Variants in RHOQ observed in about 807,000 individuals in gnomAD.
The protein encoded by RHOQ is rho-related GTP-binding protein RhoQ.
Under a neutral mutation model 25.8 loss-of-function variants are expected in RHOQ, and 7 were observed. The ratio of observed to expected loss-of-function variants is 0.27; its 90% confidence interval spans 0.15 to 0.51. The LOEUF (loss-of-function observed/expected upper bound fraction) is 0.51. RHOQ is among the 20% of genes least tolerant of loss of function. The pLI, the probability that RHOQ is intolerant of heterozygous loss-of-function variation, is 0.97. For missense variants in RHOQ, 165 were observed against 260.6 expected, an observed-to-expected ratio of 0.63 and a Z score of 2.53; for synonymous variants, 97 against 98.6, an observed-to-expected ratio of 0.98 and a Z score of 0.10.
chr2:46,581,323 C>T lies in RHOQ; in HGVS notation c.*240C>T. On this transcript the variant is annotated 3_prime_UTR_variant, in exon 5 of 5. Coordinates refer to ENST00000238738, the MANE Select transcript of RHOQ (RefSeq NM_012249.4). The stretch of plus-strand genomic sequence containing the variant: ...CTTTATTTCAACTAGAAGGTACAAT[C>T]TCTCAGGGGTTTCATAGTTTAAAAA... 1 of 1,157,684 alleles carries T rather than the reference C, an allele frequency of 8.6e-7. No homozygotes were observed. Among genetic ancestry groups the T allele is most frequent in the Non-Finnish European group, 1.2e-6 (1 of 833,588 alleles). The allele number at this position is 1,157,684 out of a possible 1,614,324, so 71.7% of individuals were successfully genotyped here.
At chr2:46,580,865 T>G in intron 4 of RHOQ, 63 bp from the exon 5 acceptor site, 1 of 1,201,586 alleles carries the variant, frequency 8.3e-7, no homozygotes, top group Non-Finnish European at 1.1e-6. Context: ...AATGATGTGT[T>G]TATGTCATGC....
chr2:46,554,083 A>C (rs1314989749), intron 2 of RHOQ, among the ~76,000 whole-genome samples: 1 of 149,594 alleles, frequency 6.7e-6, no homozygotes, highest in Non-Finnish European at 1.5e-5. Flanking sequence ...AGTTCTATCC[A>C]TGTTGTTGCA....
In RHOQ at chr2:46,581,924, A is replaced by AT. The variant is rs547692447; in HGVS notation, c.*853dup. The AT allele has an allele frequency of 9.0e-3, 1,649 of 183,088 alleles. 5 individuals carry two copies. The highest frequency in any genetic ancestry group is 0.022 in the South Asian group (221 of 10,220). 11.3% of individuals were successfully genotyped at this position (183,088 alleles called of 1,614,324 possible). A position where few individuals can be genotyped will look rare whatever the true frequency, so the allele number is the denominator to read the frequency against. On this transcript the variant is annotated 3_prime_UTR_variant, in exon 5 of 5. Transcript: ENST00000238738. ...ATTTAGCTCTCTGAACTAGTTGGTA[A>AT]TTTTTTTTTTTTAATTCCCACTTTG...
At chr2:46,547,036 G>A (rs1009622637) in intron 2 of RHOQ, among the ~76,000 whole-genome samples, 6 of 152,170 alleles carry the variant, frequency 3.9e-5, no homozygotes, top group Non-Finnish European at 5.9e-5. Flanking sequence ...AGCAGAGCCC[G>A]TATCCCCATT....
chr2:46,574,229 T>C (rs1367758627), intron 2 of RHOQ, among the ~76,000 whole-genome samples: 2 of 152,178 alleles, frequency 1.3e-5, no homozygotes, highest in South Asian at 2.1e-4. Flanking sequence ...TAAATATGGA[T>C]GAGGAGTGCT....
At chr2:46,558,853 C>G (rs1668483063) in intron 2 of RHOQ, among the ~76,000 whole-genome samples, 1 of 152,126 alleles carries the variant, frequency 6.6e-6, no homozygotes, top group Non-Finnish European at 1.5e-5. Flanking sequence ...TTATCATCTA[C>G]CCCTTCTATT....
chr2:46,578,921 TAGAG>T (rs1179809376), intron 4 of RHOQ, among the ~76,000 whole-genome samples: 1 of 152,114 alleles, frequency 6.6e-6, no homozygotes, highest in Non-Finnish European at 1.5e-5. Flanking sequence ...TATGTATATA[TAGAG>T]AGAAAATATT....
Position 46,548,054 on chromosome 2 carries a change from G to A in RHOQ, c.201+4242G>A, listed in dbSNP as rs1170327958. 6.6e-6 allele frequency among the ~76,000 whole-genome samples: 1 copy of A among 152,218 alleles called. No individual in the cohort carries two copies. Among genetic ancestry groups the A allele is most frequent in the East Asian group, 1.9e-4 (1 of 5,196 alleles). ...TGGGGGTGAATTTGGGATCCCTAGA[G>A]TTCCAGATTTAGCCACTGTCTCAGT... is the stretch of plus-strand genomic sequence containing the variant. On this transcript the variant is annotated intron_variant, in intron 2 of 4. Coordinates refer to ENST00000238738, the MANE Select transcript of RHOQ (RefSeq NM_012249.4). This position sits in a 1 kb window ranked among gnomAD's most constrained non-coding sequence, Gnocchi z 5.2.
At position 46,550,818 on chromosome 2, in the gene RHOQ, T is replaced by C. The variant is rs144960481; in HGVS notation, c.201+7006T>C. On this transcript the variant is annotated intron_variant, in intron 2 of 4. Coordinates refer to ENST00000238738, the MANE Select transcript of RHOQ (RefSeq NM_012249.4). ...CAGGCTAGCTCTGGGGGCTTCACACTGGCTCAGTTCGGTTGGTGTTGATTC... is the reference window on the plus strand; with the variant it reads ...CAGGCTAGCTCTGGGGGCTTCACACCGGCTCAGTTCGGTTGGTGTTGATTC... Among the ~76,000 whole-genome samples, 204 of 152,324 alleles carry C rather than the reference T, an allele frequency of 1.3e-3. 2 individuals carry two copies. Among genetic ancestry groups the C allele is most frequent in the African/African-American group, 4.1e-3 (172 of 41,576 alleles).
At position 46,576,837 on chromosome 2, in the gene RHOQ, T is replaced by G. The variant is rs1344728144; in HGVS notation, c.462+181T>G. 2.2e-6 allele frequency: 1 copy of G among 447,602 alleles called. No individual in the cohort carries two copies. Among genetic ancestry groups the G allele is most frequent in the East Asian group, 3.6e-5 (1 of 28,098 alleles). The allele number at this position is 447,602 out of a possible 1,614,324, so 27.7% of individuals were successfully genotyped here. ...TTCCCCTGTTACACAGAAGAGACAGTGGAGGCTGGGAGATGTCAGATAATT... is the reference window on the plus strand; with the variant it reads ...TTCCCCTGTTACACAGAAGAGACAGGGGAGGCTGGGAGATGTCAGATAATT... On this transcript the variant is annotated intron_variant, in intron 4 of 4. Coordinates refer to ENST00000238738, the MANE Select transcript of RHOQ (RefSeq NM_012249.4). The surrounding 1 kb of genome is among the most constrained non-coding windows in gnomAD (Gnocchi z 5.1).
chr2:46,575,084 C>T (rs2104027350), intron 2 of RHOQ, among the ~76,000 whole-genome samples: 1 of 152,186 alleles, frequency 6.6e-6, no homozygotes, highest in East Asian at 1.9e-4. Context: ...ATATTCACTG[C>T]CTTTTGTGAT....
At chr2:46,546,491 T>TAC (rs1558680504) in intron 2 of RHOQ, among the ~76,000 whole-genome samples, 6 of 24,356 alleles carry the variant, frequency 2.5e-4, no homozygotes, top group Non-Finnish European at 1.4e-4. Flanking sequence ...TATATATATA[T>TAC]ATATATATAT....
At position 46,543,006 on chromosome 2, in the gene RHOQ, G is replaced by T. The variant is rs767199844; in HGVS notation, c.-41G>T. Reference sequence around the variant, plus strand: ...GGGCTGAGCCCGGGGCCGGGGCGGGGGCTCCGGGGGGACCATGCCCGGAGG... The same window carrying T: ...GGGCTGAGCCCGGGGCCGGGGCGGGTGCTCCGGGGGGACCATGCCCGGAGG... On this transcript the variant is annotated 5_prime_UTR_variant, in exon 1 of 5. Coordinates refer to ENST00000238738, the MANE Select transcript of RHOQ (RefSeq NM_012249.4). The T allele has an allele frequency of 6.9e-6, 10 of 1,454,304 alleles. No homozygotes were observed. The highest frequency in any genetic ancestry group is 9.1e-6 in the Non-Finnish European group (10 of 1,100,926). 90.1% of individuals were successfully genotyped at this position (1,454,304 alleles called of 1,614,324 possible). A position where few individuals can be genotyped will look rare whatever the true frequency, so the allele number is the denominator to read the frequency against.
At chr2:46,580,698 A>G (rs1669330623) in intron 4 of RHOQ, 3 of 365,564 alleles carry the variant, frequency 8.2e-6, no homozygotes, top group South Asian at 1.8e-4. Flanking sequence ...AGTGCTTGAC[A>G]TATAGTAGAT....
rs913431900 is a variant in RHOQ, at chr2:46,569,084, A to C, written c.202-7003A>C. ...TTACAACTGGGGAAGTCACCTCACC[A>C]TGCACAGAAGAAATAGCACTGGCTC... On this transcript the variant is annotated intron_variant, in intron 2 of 4. Transcript: ENST00000238738. The surrounding 1 kb of genome is among the most constrained non-coding windows in gnomAD (Gnocchi z 4.1). 1 of 152,244 alleles carries C rather than the reference A, an allele frequency of 6.6e-6. No individual in the cohort carries two copies. Among genetic ancestry groups the C allele is most frequent in the African/African-American group, 2.4e-5 (1 of 41,460 alleles). The allele number at this position is 152,244 out of a possible 1,614,324, so 9.4% of individuals were successfully genotyped here.
chr2:46,576,430 C>T lies in RHOQ; in HGVS notation c.367-131C>T. On this transcript the variant is annotated intron_variant, in intron 3 of 4. Coordinates refer to ENST00000238738, the MANE Select transcript of RHOQ (RefSeq NM_012249.4). This position sits in a 1 kb window ranked among gnomAD's most constrained non-coding sequence, Gnocchi z 5.1. ...TGTGCCAAAAGAAAGCAATTATTTT[C>T]CTGGTTTTTAAAAATTAAGTTCTTT... The T allele has an allele frequency of 1.1e-6, 1 of 889,702 alleles. No individual in the cohort carries two copies. Among genetic ancestry groups the T allele is most frequent in the South Asian group, 1.9e-5 (1 of 53,930 alleles). The allele number at this position is 889,702 out of a possible 1,614,324, so 55.1% of individuals were successfully genotyped here. A position where few individuals can be genotyped will look rare whatever the true frequency, so the allele number is the denominator to read the frequency against.
chr2:46,543,857 G>C (rs373092471), intron 2 of RHOQ, 45 bp downstream of exon 2: 215 of 1,570,162 alleles, frequency 1.4e-4, no homozygotes, highest in Middle Eastern at 1.0e-3. Flanking sequence ...CTGTTCCCCA[G>C]TTCTTTGTGG....
rs1668381967 is a variant in RHOQ at position 46,555,371 on chromosome 2, G to A, written c.201+11559G>A. Among the ~76,000 whole-genome samples the A allele has an allele frequency of 6.6e-6, 1 of 152,220 alleles. No individual in the cohort carries two copies. Among genetic ancestry groups the A allele is most frequent in the African/African-American group, 2.4e-5 (1 of 41,460 alleles). On this transcript the variant is annotated intron_variant, in intron 2 of 4. Coordinates refer to ENST00000238738, the MANE Select transcript of RHOQ (RefSeq NM_012249.4). The surrounding 1 kb of genome is among the most constrained non-coding windows in gnomAD (Gnocchi z 4.3). ...CCTGCAGGACTGCACGTAGCACATA[G>A]CACTTTGCACAAGTGTTGGGGGCCC...
chr2:46,543,866 G>A, intron 2 of RHOQ, 54 bp downstream of exon 2: 1 of 1,514,676 alleles, frequency 6.6e-7, no homozygotes. Flanking sequence ...AGTTCTTTGT[G>A]GCTGCGAAGG....
Sources: allele counts gnomAD v4.1 joint callset (sites outside exome capture counted in the v4.1 genomes callset), GRCh38; gene constraint gnomAD v4.1.1; non-coding constraint Gnocchi (gnomAD v3.1); transcripts MANE v1.5; gene names NCBI Gene and HGNC (gene_info 2026-07-23, HGNC 2026-07-21).